The following NLGN1 variants were observed in gnomAD, a reference collection of about 807,000 sequenced individuals.
NLGN1 encodes the protein neuroligin 1.
A neutral mutation model predicts 65.5 loss-of-function variants in NLGN1; 12 were observed. The ratio of observed to expected loss-of-function variants is 0.18; its 90% CI spans 0.12 to 0.30. The LOEUF (loss-of-function observed/expected upper bound fraction) is 0.30, where lower values mean the gene tolerates loss of function less well. Ranked by LOEUF, NLGN1 falls within the 10% of genes least tolerant of loss-of-function variation. The pLI, the probability that NLGN1 is intolerant of heterozygous loss-of-function variation, is 1.00. For synonymous variants in NLGN1, 350 were observed against 359.5 expected (o/e 0.97, Z 0.30); for missense variants, 750 against 1,007.1 (o/e 0.74, Z 3.46).
At chr3:174,015,589 C>A (rs998869998) in intron 4 of NLGN1, among the ~76,000 whole-genome samples, 1 of 152,140 alleles carries the variant, frequency 6.6e-6, no homozygotes, top group Non-Finnish European at 1.5e-5. Flanking sequence ...CAATTCAGTT[C>A]ATTGCACTGT....
chr3:174,261,191 C>G (rs1253611688), intron 4 of NLGN1, among the ~76,000 whole-genome samples: 3 of 151,756 alleles, frequency 2.0e-5, no homozygotes, highest in Non-Finnish European at 4.4e-5. Flanking sequence ...TCCATATGAA[C>G]TTTAAAGTAG....
At chr3:173,783,107 G>T (rs1418574480) in intron 3 of NLGN1, among the ~76,000 whole-genome samples, 1 of 152,144 alleles carries the variant, frequency 6.6e-6, no homozygotes, top group Non-Finnish European at 1.5e-5. Context: ...AAAACAAAGA[G>T]TGGTTACCAT....
chr3:173,635,987 G>A (rs2149564690), intron 3 of NLGN1, among the ~76,000 whole-genome samples: 1 of 152,218 alleles, frequency 6.6e-6, no homozygotes, highest in South Asian at 2.1e-4. Flanking sequence ...AGAAGAGACT[G>A]TAGTATATTT....
intron 4 of NLGN1, among the ~76,000 whole-genome samples, chr3:174,128,776 T>C (rs73880356): frequency 0.024 from 3,640 of 152,206 alleles, 164 homozygotes; most frequent in African/African-American, 0.082. Flanking sequence ...GCTGGGTTCT[T>C]TAGATATGGT....
chr3:173,705,851 A>G (rs1767969645), intron 3 of NLGN1, among the ~76,000 whole-genome samples: 1 of 152,080 alleles, frequency 6.6e-6, no homozygotes. Flanking sequence ...CAAAGTATGT[A>G]GACCTTGTGA....
At chr3:173,933,927 T>C (rs1744589242) in intron 4 of NLGN1, among the ~76,000 whole-genome samples, 1 of 151,956 alleles carries the variant, frequency 6.6e-6, no homozygotes, top group Non-Finnish European at 1.5e-5. Context: ...TTAATATATA[T>C]TATAAGTGAA....
chr3:173,884,838 A>C (rs1734030485), intron 4 of NLGN1, among the ~76,000 whole-genome samples: 1 of 152,158 alleles, frequency 6.6e-6, no homozygotes, highest in South Asian at 2.1e-4. Context: ...AGGTGCCGAC[A>C]GGTTCATGTC....
intron 2 of NLGN1, among the ~76,000 whole-genome samples, chr3:173,514,082 C>T (rs1733431410): frequency 6.6e-6 from 1 of 152,228 alleles, no homozygotes; most frequent in African/African-American, 2.4e-5. Context: ...CCTTCTAAAA[C>T]ATACTGACTG....
In NLGN1 at chr3:173,847,762, C is replaced by T. The variant is rs1726069028; in HGVS notation, c.646+39930C>T. On this transcript the variant is annotated intron_variant, in intron 4 of 6. Coordinates refer to ENST00000457714, the Ensembl canonical transcript of NLGN1. ...TGGCATGCGCCTGTAGTCCCACCTA[C>T]TCAGGAAGCTGAGTGGGGAGAATCA... 2.0e-5 allele frequency among the ~76,000 whole-genome samples: 3 copies of T among 152,196 alleles called. No individual in the cohort carries two copies. The South Asian group carries it at 6.2e-4, about 32-fold the overall frequency.
chr3:173,559,455 C>T (rs898458349), intron 2 of NLGN1, among the ~76,000 whole-genome samples: 2 of 152,180 alleles, frequency 1.3e-5, no homozygotes, highest in East Asian at 3.9e-4. Flanking sequence ...ACTCATGGCT[C>T]ACCTATTGAA....
chr3:173,815,825 C>T (rs1015096414), intron 4 of NLGN1, among the ~76,000 whole-genome samples: 3 of 152,092 alleles, frequency 2.0e-5, no homozygotes, highest in Non-Finnish European at 4.4e-5. Flanking sequence ...TGTGTACCAA[C>T]CCTTCCATGT....
intron 4 of NLGN1, among the ~76,000 whole-genome samples, chr3:174,117,355 G>T (rs35745681): frequency 5.9e-5 from 9 of 151,964 alleles, no homozygotes; most frequent in African/African-American, 9.7e-5. Flanking sequence ...GGTAGCTCAC[G>T]CCTGTAATCC....
intron 3 of NLGN1, among the ~76,000 whole-genome samples, chr3:173,660,227 T>C (rs1760729340): frequency 6.6e-6 from 1 of 151,930 alleles, no homozygotes; most frequent in Non-Finnish European, 1.5e-5. Context: ...GTAGTTTCCA[T>C]TGTGCAATGA....
chr3:174,196,810 C>G (rs1204349756), intron 4 of NLGN1, among the ~76,000 whole-genome samples: 1 of 152,122 alleles, frequency 6.6e-6, no homozygotes, highest in Non-Finnish European at 1.5e-5. Context: ...ACAAGTAGAA[C>G]TTTGCATACG....
At chr3:173,909,819 C>T (rs9820222) in intron 4 of NLGN1, among the ~76,000 whole-genome samples, 35,102 of 151,878 alleles carry the variant, frequency 0.23, 4,335 homozygotes, top group East Asian at 0.33. Flanking sequence ...GCTGGGAATA[C>T]GGGCATGTGC....
chr3:174,039,831 A>C (rs988110115), intron 4 of NLGN1, among the ~76,000 whole-genome samples: 1 of 152,134 alleles, frequency 6.6e-6, no homozygotes, highest in Non-Finnish European at 1.5e-5. Context: ...GAAGATAAGA[A>C]ACGCTGAGAG....
At chr3:174,220,002 TGTAGTGG>T (rs1738341197) in intron 4 of NLGN1, among the ~76,000 whole-genome samples, 1 of 151,938 alleles carries the variant, frequency 6.6e-6, no homozygotes, top group African/African-American at 2.4e-5. Context: ...TAATGAAGAC[TGTAGTGG>T]GAAGGGACCA....
At chr3:174,211,658 C>T (rs1561300705) in intron 4 of NLGN1, among the ~76,000 whole-genome samples, 1 of 151,226 alleles carries the variant, frequency 6.6e-6, no homozygotes, top group African/African-American at 2.4e-5. Context: ...ACACAGGGTG[C>T]TGATTGGTGT....
At chr3:174,288,108 G>A (rs544782370), downstream of NLGN1, among the ~76,000 whole-genome samples, 2 of 151,582 alleles carry the variant, frequency 1.3e-5, no homozygotes, top group African/African-American at 4.8e-5. Context: ...ATACTCTGTA[G>A]CAAATCACTG....
Sources: allele counts gnomAD v4.1 joint callset (sites outside exome capture counted in the v4.1 genomes callset), GRCh38; gene constraint gnomAD v4.1.1; transcripts MANE v1.5; gene names NCBI Gene and HGNC (gene_info 2026-07-23, HGNC 2026-07-21).